FSTL5: variants seen among roughly 807,000 people sequenced by gnomAD.
FSTL5 encodes the protein follistatin like 5.
In FSTL5, 62 loss-of-function variants were observed where a neutral mutation model predicts 89.1. The observed-to-expected ratio is 0.70, with a 90% CI of 0.57 to 0.86. The LOEUF (loss-of-function observed/expected upper bound fraction) is 0.86. Among genes scored for constraint, FSTL5 ranks in the 40% least tolerant of loss-of-function variants. The probability of loss-of-function intolerance (pLI) is 0.00; values close to 1 mark genes in which losing one functional copy is unlikely to be tolerated. For missense variants in FSTL5, 1,057 were observed against 1,001.6 expected (o/e 1.06, Z -0.75); for synonymous variants, 383 against 346.2 (o/e 1.11, Z -1.18).
chr4:161,511,176 A>G lies in FSTL5; in HGVS notation c.1313-752T>C, dbSNP rs767371207. Among the ~76,000 whole-genome samples the G allele has an allele frequency of 3.3e-5, 5 of 152,284 alleles. No individual in the cohort carries two copies. In the South Asian group the frequency reaches 6.2e-4, roughly 19 times the overall value. ...CACTATATGTTCTTAAAGCAAAATC[A>G]TAAAAGTGTAACTAATAGAAAATCT... On this transcript the variant is annotated intron_variant, in intron 10 of 15. Coordinates refer to ENST00000306100, the MANE Select transcript of FSTL5 (RefSeq NM_020116.5).
intron 2 of FSTL5, among the ~76,000 whole-genome samples, chr4:162,110,065 C>A (rs1731374343): frequency 6.6e-6 from 1 of 151,926 alleles, no homozygotes; most frequent in Non-Finnish European, 1.5e-5. Context: ...AGACTAGATA[C>A]TTTAAAAACT....
intron 11 of FSTL5, among the ~76,000 whole-genome samples, chr4:161,501,048 C>T (rs900328527): frequency 6.6e-5 from 10 of 152,092 alleles, no homozygotes; most frequent in Non-Finnish European, 1.0e-4. Context: ...TTGGTTTACA[C>T]AGTCAAATTT....
At position 161,656,512 on chromosome 4, in the gene FSTL5, C is replaced by A; in HGVS notation, c.728-18G>T. 1 of 1,478,414 alleles carries A rather than the reference C, an allele frequency of 6.8e-7. No individual in the cohort carries two copies. The highest frequency in any genetic ancestry group is 1.5e-5 in the South Asian group (1 of 67,202). 91.6% of individuals were successfully genotyped at this position (1,478,414 alleles called of 1,614,324 possible). On this transcript the variant is annotated intron_variant, in intron 6 of 15. Transcript: ENST00000306100. ...GATCACTTCTGTAAAGATGAAGTGTCAGTAATGTTGATGAGCATTTAGTTT... is the reference window on the plus strand; with the variant it reads ...GATCACTTCTGTAAAGATGAAGTGTAAGTAATGTTGATGAGCATTTAGTTT...
intron 4 of FSTL5, among the ~76,000 whole-genome samples, chr4:161,865,524 T>G (rs1039931627): frequency 6.6e-6 from 1 of 152,188 alleles, no homozygotes; most frequent in Non-Finnish European, 1.5e-5. Flanking sequence ...AGTATGATTT[T>G]GAAAGCTCCT....
At chr4:162,093,961 T>G (rs578255496) in intron 2 of FSTL5, among the ~76,000 whole-genome samples, 1 of 152,144 alleles carries the variant, frequency 6.6e-6, no homozygotes, top group South Asian at 2.1e-4. Context: ...AGCAATAATA[T>G]ATCATCTGCT....
At chr4:161,995,618 T>C (rs1401446522) in intron 3 of FSTL5, among the ~76,000 whole-genome samples, 1 of 152,134 alleles carries the variant, frequency 6.6e-6, no homozygotes, top group African/African-American at 2.4e-5. Flanking sequence ...GCATCAGTGC[T>C]TTCCTAGGAT....
chr4:161,948,774 T>C (rs1734810047), intron 3 of FSTL5, among the ~76,000 whole-genome samples: 1 of 151,962 alleles, frequency 6.6e-6, no homozygotes, highest in African/African-American at 2.4e-5. Context: ...ATTACTGAAT[T>C]TGTATTCATG....
At chr4:161,570,767 G>C (rs972051735) in intron 8 of FSTL5, among the ~76,000 whole-genome samples, 2 of 152,184 alleles carry the variant, frequency 1.3e-5, no homozygotes, top group Non-Finnish European at 2.9e-5. Context: ...TTGCAGGTGA[G>C]CCTGCAGCTA....
At chr4:161,632,374 C>T (rs747535977) in intron 7 of FSTL5, among the ~76,000 whole-genome samples, 26 of 151,908 alleles carry the variant, frequency 1.7e-4, no homozygotes, top group South Asian at 4.2e-4. Context: ...ACTGAGACTC[C>T]GCCCCCAAAA....
chr4:161,408,794 T>G (rs1434267596), intron 15 of FSTL5, among the ~76,000 whole-genome samples: 3 of 152,178 alleles, frequency 2.0e-5, no homozygotes, highest in Non-Finnish European at 4.4e-5. Context: ...TCAGAAGTAT[T>G]AGCAGCGGAA....
At chr4:161,653,599 T>C (rs2126679820) in intron 7 of FSTL5, among the ~76,000 whole-genome samples, 1 of 152,192 alleles carries the variant, frequency 6.6e-6, no homozygotes, top group South Asian at 2.1e-4. Flanking sequence ...CATTAGACAG[T>C]GCTGAAAAAT....
chr4:161,533,530 G>A (rs1313011118), intron 10 of FSTL5, among the ~76,000 whole-genome samples: 2 of 152,074 alleles, frequency 1.3e-5, no homozygotes, highest in Non-Finnish European at 2.9e-5. Context: ...AAGAAGGAAA[G>A]TGAAAACCTG....
chr4:161,541,413 G>A (rs1454001097), intron 9 of FSTL5, among the ~76,000 whole-genome samples: 5 of 151,938 alleles, frequency 3.3e-5, no homozygotes, highest in African/African-American at 1.2e-4. Flanking sequence ...AAAGTCAGAA[G>A]CTATTTAGAC....
rs78172820 is a variant in FSTL5 at position 161,465,045 on chromosome 4, T to A, written c.1609-5726A>T. On this transcript the variant is annotated intron_variant, in intron 13 of 15. Transcript: ENST00000306100. Reference sequence around the variant, plus strand: ...AAACAGAAGACTAAGAGTACTATTGTTGATGCCTTCATATTGTAAAATTCC... The same window carrying A: ...AAACAGAAGACTAAGAGTACTATTGATGATGCCTTCATATTGTAAAATTCC... Among the ~76,000 whole-genome samples, 357 of 152,294 alleles carry A rather than the reference T, an allele frequency of 2.3e-3. 9 individuals are homozygous for A. The East Asian group carries it at 0.058, about 25-fold the overall frequency.
At chr4:161,776,148 G>T in intron 4 of FSTL5, 74 bp from the exon 5 acceptor site, 1 of 759,248 alleles carries the variant, frequency 1.3e-6, no homozygotes, top group Non-Finnish European at 1.9e-6. Context: ...AGGTTTAGAA[G>T]TTATTTTATG....
intron 6 of FSTL5, among the ~76,000 whole-genome samples, chr4:161,720,258 G>A (rs1739148650): frequency 2.0e-5 from 3 of 148,868 alleles, no homozygotes; most frequent in Admixed American, 1.3e-4. Context: ...ACAGATACAT[G>A]AATAAAATGC....
chr4:161,822,900 G>A lies in FSTL5; in HGVS notation c.410-46826C>T, dbSNP rs114076160. Among the ~76,000 whole-genome samples the A allele has an allele frequency of 4.1e-3, 620 of 152,274 alleles. 4 individuals carry two copies. The highest frequency in any genetic ancestry group is 0.014 in the African/African-American group (602 of 41,562). On this transcript the variant is annotated intron_variant, in intron 4 of 15. Transcript: ENST00000306100. ...GTTAGCTCCTTTCTGCAGGCAGGTT[G>A]TCCTAATGAGTGTCCAGCTCTCAGC...
intron 15 of FSTL5, among the ~76,000 whole-genome samples, chr4:161,442,660 G>T (rs1732812124): frequency 6.6e-6 from 1 of 152,018 alleles, no homozygotes; most frequent in African/African-American, 2.4e-5. Context: ...AATTCACTGA[G>T]TGCTAATTAT....
chr4:161,928,946 T>A (rs1734203850), intron 3 of FSTL5, among the ~76,000 whole-genome samples: 1 of 151,832 alleles, frequency 6.6e-6, no homozygotes, highest in Admixed American at 6.6e-5. Context: ...TTTGTTATTG[T>A]AACTAAAATG....
Sources: allele counts gnomAD v4.1 joint callset (sites outside exome capture counted in the v4.1 genomes callset), GRCh38; gene constraint gnomAD v4.1.1; transcripts MANE v1.5; gene names NCBI Gene and HGNC (gene_info 2026-07-23, HGNC 2026-07-21).